The following UBL3 variants were observed in gnomAD, a reference collection of about 807,000 sequenced individuals.
The protein encoded by UBL3 is ubiquitin-like protein 3.
A neutral mutation model predicts 18.4 loss-of-function variants in UBL3; 6 were observed. The observed-to-expected ratio is 0.33, with a 90% confidence interval of 0.18 to 0.64. The LOEUF (loss-of-function observed/expected upper bound fraction) is 0.64. Among genes scored for constraint, UBL3 ranks in the 30% least tolerant of loss-of-function variants. UBL3 has a pLI of 0.76. For missense variants in UBL3, 109 were observed against 142.9 expected (o/e 0.76, Z 1.21); for synonymous variants, 49 against 46.6 (o/e 1.05, Z -0.21).
At chr13:29,835,153 TATATATATA>T in intron 1 of UBL3, among the ~76,000 whole-genome samples, 1 of 30,494 alleles carries the variant, frequency 3.3e-5, no homozygotes, top group South Asian at 1.2e-3. Context: ...TATATATATA[TATATATATA>T]TATATATATA....
rs757083311 is a variant in UBL3, at chr13:29,772,206, G to C, written c.137-8C>G. ...CCTGCTCTTCTTCCCAGTCTGAAAAGAATCCAGTGTACTGGTTAGGTATAT... is the reference window on the plus strand; with the variant it reads ...CCTGCTCTTCTTCCCAGTCTGAAAACAATCCAGTGTACTGGTTAGGTATAT... On this transcript the variant is annotated splice_polypyrimidine_tract_variant and splice_region_variant and intron_variant, in intron 2 of 4. Coordinates refer to ENST00000380680, the MANE Select transcript of UBL3 (RefSeq NM_007106.4). 6.2e-7 allele frequency: 1 copy of C among 1,608,850 alleles called. No individual in the cohort carries two copies. The highest frequency in any genetic ancestry group is 8.5e-7 in the Non-Finnish European group (1 of 1,176,412).
chr13:29,775,782 AATTT>A (rs1226675163), intron 2 of UBL3, among the ~76,000 whole-genome samples: 1 of 151,960 alleles, frequency 6.6e-6, no homozygotes, highest in Non-Finnish European at 1.5e-5. Context: ...TGCCCAGCTA[AATTT>A]TGTATTTTTA....
intron 1 of UBL3, among the ~76,000 whole-genome samples, chr13:29,823,874 C>A (rs577869020): frequency 1.1e-3 from 158 of 144,620 alleles, no homozygotes; most frequent in Non-Finnish European, 2.0e-3. Context: ...CATCCAACCA[C>A]AGGCCCCAGT....
chr13:29,791,446 A>G (rs1406106545), intron 1 of UBL3, among the ~76,000 whole-genome samples: 3 of 152,166 alleles, frequency 2.0e-5, no homozygotes, highest in Non-Finnish European at 4.4e-5. Flanking sequence ...CACTAAGGTT[A>G]AGTAACTCTT....
chr13:29,773,000 T>A (rs1876884254), intron 2 of UBL3, among the ~76,000 whole-genome samples: 1 of 152,164 alleles, frequency 6.6e-6, no homozygotes, highest in South Asian at 2.1e-4. Context: ...GTTTAGTAAT[T>A]TTCATGAGCT....
chr13:29,843,245 T>C (rs1277124934), intron 1 of UBL3, among the ~76,000 whole-genome samples: 1 of 152,218 alleles, frequency 6.6e-6, no homozygotes, highest in East Asian at 1.9e-4. Flanking sequence ...ATACACATAG[T>C]ATAAAACATA....
intron 2 of UBL3, among the ~76,000 whole-genome samples, chr13:29,775,679 A>C (rs1281418122): frequency 2.6e-5 from 4 of 152,096 alleles, no homozygotes; most frequent in Non-Finnish European, 5.9e-5. Flanking sequence ...ACAGACGCAT[A>C]ATGTCAGCTC....
chr13:29,767,441 GTAA>G (rs1415582858), intron 4 of UBL3, 134 bp from the exon 5 acceptor site: 14 of 1,235,366 alleles, frequency 1.1e-5, no homozygotes, highest in African/African-American at 3.1e-5. Context: ...TTAAGAAGCT[GTAA>G]TAAATGTTCT....
chr13:29,800,600 C>T (rs767437274), intron 1 of UBL3, among the ~76,000 whole-genome samples: 5 of 151,588 alleles, frequency 3.3e-5, no homozygotes, highest in Non-Finnish European at 7.4e-5. Flanking sequence ...TTTAATACAA[C>T]TAAAAAAAAG....
Position 29,766,633 on chromosome 13 carries a change from AT to A in UBL3, c.*621del, listed in dbSNP as rs1876692338. On this transcript the variant is annotated 3_prime_UTR_variant, in exon 5 of 5. Transcript: ENST00000380680. ...TCTACTGAGTGCTTTAAACAGGCAC[AT>A]TTTGTTTTTTCATTTGTTGCAGTGA... 6.6e-6 allele frequency: 1 copy of A among 152,566 alleles called. No homozygotes were observed. Among genetic ancestry groups the A allele is most frequent in the Non-Finnish European group, 1.5e-5 (1 of 68,018 alleles). The allele number at this position is 152,566 out of a possible 1,614,324, so 9.5% of individuals were successfully genotyped here.
intron 1 of UBL3, among the ~76,000 whole-genome samples, chr13:29,783,898 G>A (rs1049121769): frequency 2.6e-5 from 4 of 152,070 alleles, no homozygotes; most frequent in African/African-American, 7.2e-5. Flanking sequence ...TGGTAATAAG[G>A]ACTCTGACTT....
In UBL3 at chr13:29,802,814, A is replaced by T. The variant is rs141205786; in HGVS notation, c.28-25551T>A. Among the ~76,000 whole-genome samples, 47 of 152,366 alleles carry T rather than the reference A, an allele frequency of 3.1e-4. 1 individual carries two copies. In the East Asian group the frequency reaches 8.5e-3, roughly 27 times the overall value. ...AGAAATACAGGGTTATGAAATAAAG[A>T]GACTAAATCTATGACTAACTGGCAT... On this transcript the variant is annotated intron_variant, in intron 1 of 4. Coordinates refer to ENST00000380680, the MANE Select transcript of UBL3 (RefSeq NM_007106.4).
At chr13:29,806,905 C>G (rs1375635634) in intron 1 of UBL3, among the ~76,000 whole-genome samples, 1 of 152,034 alleles carries the variant, frequency 6.6e-6, no homozygotes, top group African/African-American at 2.4e-5. Context: ...TTATAATAAC[C>G]TCTATCTTGT....
At chr13:29,806,323 T>G in intron 1 of UBL3, among the ~76,000 whole-genome samples, 1 of 152,248 alleles carries the variant, frequency 6.6e-6, no homozygotes, top group East Asian at 1.9e-4. Context: ...TTAGCTCTTC[T>G]TGTATGGTTA....
At chr13:29,800,461 C>T (rs1877731817) in intron 1 of UBL3, among the ~76,000 whole-genome samples, 1 of 152,120 alleles carries the variant, frequency 6.6e-6, no homozygotes, top group African/African-American at 2.4e-5. Context: ...AATATTCCCT[C>T]TTTTTAACTG....
At chr13:29,829,148 G>A (rs1027428686) in intron 1 of UBL3, among the ~76,000 whole-genome samples, 9 of 152,180 alleles carry the variant, frequency 5.9e-5, no homozygotes, top group African/African-American at 2.2e-4. Context: ...GGACCCACTT[G>A]AGGAGGCAGT....
rs1345547835 is a variant in UBL3 at position 29,789,807 on chromosome 13, TA to T, written c.28-12545del. Among the ~76,000 whole-genome samples, 8 of 152,378 alleles carry T rather than the reference TA, an allele frequency of 5.3e-5. No individual in the cohort carries two copies. In the East Asian group the frequency reaches 1.3e-3, roughly 26 times the overall value. On this transcript the variant is annotated intron_variant, in intron 1 of 4. Transcript: ENST00000380680. The stretch of plus-strand genomic sequence containing the variant: ...ATAGCATTGTTACCTTTAAAAATGT[TA>T]AAATAGCTGATATTAAAATAATCTA...
At chr13:29,844,033 TAAG>T (rs1879173458) in intron 1 of UBL3, among the ~76,000 whole-genome samples, 1 of 152,226 alleles carries the variant, frequency 6.6e-6, no homozygotes, top group Non-Finnish European at 1.5e-5. Context: ...CCCATCTCAA[TAAG>T]AAGTATCATA....
intron 1 of UBL3, among the ~76,000 whole-genome samples, chr13:29,842,077 G>T (rs1879115073): frequency 6.6e-6 from 1 of 151,608 alleles, no homozygotes; most frequent in Non-Finnish European, 1.5e-5. Context: ...ATTCAGTCCA[G>T]GAGTCCCTGC....
Sources: gnomAD v4.1 joint callset for allele counts (sites outside exome capture counted in the v4.1 genomes callset) on GRCh38, gnomAD v4.1.1 for gene constraint, MANE v1.5 for transcripts, NCBI Gene and HGNC (gene_info 2026-07-23, HGNC 2026-07-21) for gene names.